The following NKAIN3 variants were observed in gnomAD, a reference collection of about 807,000 sequenced individuals.
The protein encoded by NKAIN3 is sodium/potassium transporting ATPase interacting 3.
A neutral mutation model predicts 30.2 loss-of-function variants in NKAIN3; 25 were observed. The observed-to-expected ratio is 0.83, with a 90% CI of 0.60 to 1.16. The LOEUF is 1.16. Among genes scored for constraint, NKAIN3 ranks in the 50% most tolerant of loss-of-function variants. NKAIN3 has a pLI of 0.00. For missense variants in NKAIN3, 225 were observed against 254.1 expected (o/e 0.89, Z 0.78); for synonymous variants, 91 against 89.6 (o/e 1.02, Z -0.09).
chr8:62,484,347 T>C (rs1806833934), intron 1 of NKAIN3, among the ~76,000 whole-genome samples: 1 of 152,220 alleles, frequency 6.6e-6, no homozygotes. Flanking sequence ...ACTAGGTAAG[T>C]ATCTACTCAT....
chr8:62,507,599 CA>C (rs1288666852), intron 1 of NKAIN3, among the ~76,000 whole-genome samples: 1 of 152,082 alleles, frequency 6.6e-6, no homozygotes, highest in East Asian at 1.9e-4. Flanking sequence ...TTGTTAATTG[CA>C]AACCACAAAG....
At position 62,728,429 on chromosome 8, in the gene NKAIN3, G is replaced by A. The variant is rs181630135; in HGVS notation, c.274-18503G>A. 3.5e-3 allele frequency among the ~76,000 whole-genome samples: 527 copies of A among 152,276 alleles called. 4 individuals are homozygous for A. Among genetic ancestry groups the A allele is most frequent in the Admixed American group, 0.015 (234 of 15,300 alleles). ...TGTAATCCCAGCACTTTGAGAGGCC[G>A]AGGTGGGCGGATCACCTGAGGTCGG... On this transcript the variant is annotated intron_variant, in intron 3 of 6. Transcript: ENST00000623646.
intron 4 of NKAIN3, among the ~76,000 whole-genome samples, chr8:62,793,238 G>GGA (rs879478668): frequency 5.9e-5 from 9 of 151,692 alleles, no homozygotes; most frequent in Non-Finnish European, 1.3e-4. Flanking sequence ...AACAAGAGTT[G>GGA]GACTCAGCTG....
chr8:62,884,633 G>C (rs980442744), intron 4 of NKAIN3, among the ~76,000 whole-genome samples: 1 of 151,866 alleles, frequency 6.6e-6, no homozygotes, highest in African/African-American at 2.4e-5. Context: ...GGTGCTTTTT[G>C]TTTGGGAAGA....
intron 3 of NKAIN3, among the ~76,000 whole-genome samples, chr8:62,639,945 G>A (rs1290373816): frequency 6.6e-6 from 1 of 152,126 alleles, no homozygotes; most frequent in Non-Finnish European, 1.5e-5. Flanking sequence ...GGAAATTATA[G>A]TAGGACTTCT....
At chr8:62,870,274 A>G (rs13280738) in intron 4 of NKAIN3, among the ~76,000 whole-genome samples, 2 of 126,492 alleles carry the variant, frequency 1.6e-5, no homozygotes, top group African/African-American at 6.5e-5. Flanking sequence ...ATATATAGAT[A>G]TATATAAATA....
chr8:62,504,280 G>A (rs1226968921), intron 1 of NKAIN3, among the ~76,000 whole-genome samples: 2 of 152,168 alleles, frequency 1.3e-5, no homozygotes, highest in African/African-American at 2.4e-5. Context: ...CGTAGTGGTT[G>A]GGGACCACTG....
intron 4 of NKAIN3, among the ~76,000 whole-genome samples, chr8:62,877,564 A>G (rs1037825651): frequency 6.6e-6 from 1 of 152,214 alleles, no homozygotes; most frequent in African/African-American, 2.4e-5. Flanking sequence ...CACACATAGG[A>G]TCTTGGCCTG....
chr8:62,367,586 C>T (rs371221416), intron 1 of NKAIN3, among the ~76,000 whole-genome samples: 2 of 152,052 alleles, frequency 1.3e-5, no homozygotes, highest in East Asian at 3.9e-4. Context: ...CACCTTACCA[C>T]AATAAAGGTG....
intron 1 of NKAIN3, chr8:62,483,524 T>C (rs1262754136): frequency 6.0e-6 from 1 of 165,444 alleles, no homozygotes; most frequent in Non-Finnish European, 1.3e-5. Context: ...GGTTGCTGGC[T>C]TTCTCTTCTC....
chr8:62,945,113 C>G (rs1284939426), intron 5 of NKAIN3, among the ~76,000 whole-genome samples: 2 of 151,922 alleles, frequency 1.3e-5, no homozygotes, highest in Non-Finnish European at 1.5e-5. Flanking sequence ...AAAATTTTTC[C>G]CTTATAAAGT....
At chr8:62,427,512 G>A (rs1227615922) in intron 1 of NKAIN3, among the ~76,000 whole-genome samples, 1 of 151,834 alleles carries the variant, frequency 6.6e-6, no homozygotes, top group Admixed American at 6.6e-5. Flanking sequence ...TAGCTTACTG[G>A]GAAGTATTAG....
chr8:62,802,296 C>A (rs1818094698), intron 4 of NKAIN3, among the ~76,000 whole-genome samples: 1 of 152,126 alleles, frequency 6.6e-6, no homozygotes, highest in Non-Finnish European at 1.5e-5. Context: ...TCGAGAAGAG[C>A]AACTCCAAGA....
At chr8:62,991,446 C>A (rs1824318834) in intron 5 of NKAIN3, among the ~76,000 whole-genome samples, 1 of 152,190 alleles carries the variant, frequency 6.6e-6, no homozygotes, top group African/African-American at 2.4e-5. Flanking sequence ...AATGTCATTC[C>A]TCCCAGCTTG....
chr8:62,817,335 A>C (rs73256979), intron 4 of NKAIN3, among the ~76,000 whole-genome samples: 1,620 of 152,290 alleles, frequency 0.011, 22 homozygotes, highest in South Asian at 0.031. Context: ...TGACTTTCTT[A>C]CTAAGAGAGC....
At chr8:62,264,785 A>G (rs1179567546) in intron 1 of NKAIN3, among the ~76,000 whole-genome samples, 1 of 152,164 alleles carries the variant, frequency 6.6e-6, no homozygotes, top group Non-Finnish European at 1.5e-5. Flanking sequence ...CCAGCTGTCC[A>G]TTGTGATGGT....
intron 3 of NKAIN3, among the ~76,000 whole-genome samples, chr8:62,725,857 A>AT (rs1235633174): frequency 2.0e-5 from 3 of 151,534 alleles, no homozygotes; most frequent in Non-Finnish European, 4.4e-5. Context: ...ACATTTTAGG[A>AT]TTTTTTTTCT....
At chr8:62,884,408 G>A (rs1291042184) in intron 4 of NKAIN3, among the ~76,000 whole-genome samples, 2 of 152,152 alleles carry the variant, frequency 1.3e-5, no homozygotes, top group Non-Finnish European at 2.9e-5. Context: ...ACAGGCATGC[G>A]CCACCACACC....
At chr8:62,252,781 T>C (rs1303460337) in intron 1 of NKAIN3, among the ~76,000 whole-genome samples, 1 of 152,244 alleles carries the variant, frequency 6.6e-6, no homozygotes, top group Non-Finnish European at 1.5e-5. Flanking sequence ...GTTTTGCTTG[T>C]TTTATAATAC....
Sources: gnomAD v4.1 joint callset for allele counts (sites outside exome capture counted in the v4.1 genomes callset) on GRCh38, gnomAD v4.1.1 for gene constraint, MANE v1.5 for transcripts, NCBI Gene and HGNC (gene_info 2026-07-23, HGNC 2026-07-21) for gene names.